Variants in DACH1 observed in about 807,000 individuals in gnomAD.
The protein encoded by DACH1 is dachshund family transcription factor 1, also known as dachshund homolog 1.
Under a neutral mutation model 54.2 loss-of-function variants are expected in DACH1, and 12 were observed. That is an observed-to-expected ratio of 0.22 (90% CI 0.14 to 0.36). The LOEUF is 0.36. Among genes scored for constraint, DACH1 ranks in the 10% least tolerant of loss-of-function variants. The pLI is 1.00. For missense variants in DACH1, 805 were observed against 929.8 expected (o/e 0.87, Z 1.75); for synonymous variants, 386 against 366.2 (o/e 1.05, Z -0.62).
At chr13:71,542,449 A>C (rs903117247) in intron 6 of DACH1, among the ~76,000 whole-genome samples, 2 of 152,106 alleles carry the variant, frequency 1.3e-5, no homozygotes, top group African/African-American at 4.8e-5. Flanking sequence ...TTTCATGGTA[A>C]AAACTTTAAA....
intron 6 of DACH1, among the ~76,000 whole-genome samples, chr13:71,505,034 G>A (rs902540772): frequency 9.2e-5 from 14 of 152,032 alleles, no homozygotes; most frequent in African/African-American, 3.1e-4. Flanking sequence ...CTGAGAAATC[G>A]CAAATTTAGA....
At chr13:71,454,289 C>A (rs1381553951) in intron 10 of DACH1, among the ~76,000 whole-genome samples, 1 of 152,126 alleles carries the variant, frequency 6.6e-6, no homozygotes, top group African/African-American at 2.4e-5. Flanking sequence ...ATTCCATTCT[C>A]ACTAGGGAAC....
At chr13:71,576,719 G>A (rs1885549356) in intron 3 of DACH1, among the ~76,000 whole-genome samples, 1 of 152,082 alleles carries the variant, frequency 6.6e-6, no homozygotes, top group Non-Finnish European at 1.5e-5. Context: ...TGTCCCTTAA[G>A]AGCCTTGAGC....
intron 3 of DACH1, among the ~76,000 whole-genome samples, chr13:71,616,471 G>T (rs924517420): frequency 4.6e-5 from 7 of 152,166 alleles, no homozygotes; most frequent in Non-Finnish European, 1.0e-4. Context: ...AGAAGATCAG[G>T]TGTGGTGGCT....
At chr13:71,803,685 G>C (rs1887377158) in intron 1 of DACH1, among the ~76,000 whole-genome samples, 1 of 152,072 alleles carries the variant, frequency 6.6e-6, no homozygotes, top group African/African-American at 2.4e-5. Context: ...CGTGGAAAAA[G>C]CTTTAAGTTT....
chr13:71,483,460 C>A (rs1878229007), intron 7 of DACH1, among the ~76,000 whole-genome samples: 1 of 144,800 alleles, frequency 6.9e-6, no homozygotes, highest in African/African-American at 2.5e-5. Flanking sequence ...TAATAAATAA[C>A]AAATAATACC....
intron 6 of DACH1, among the ~76,000 whole-genome samples, chr13:71,529,328 G>A (rs1265729962): frequency 6.6e-6 from 1 of 151,444 alleles, no homozygotes; most frequent in Non-Finnish European, 1.5e-5. Context: ...CTGGGACTGT[G>A]GGCGCTTGAC....
intron 2 of DACH1, among the ~76,000 whole-genome samples, chr13:71,665,740 C>G (rs2138663840): frequency 2.6e-5 from 4 of 152,130 alleles, no homozygotes; most frequent in Admixed American, 2.6e-4. Context: ...CATCTTCTTT[C>G]AATTCTGATC....
intron 6 of DACH1, among the ~76,000 whole-genome samples, chr13:71,539,776 T>C (rs1344592296): frequency 6.6e-6 from 1 of 152,042 alleles, no homozygotes; most frequent in East Asian, 1.9e-4. Flanking sequence ...AAAACTTTTA[T>C]GAAAGTACTA....
intron 3 of DACH1, among the ~76,000 whole-genome samples, chr13:71,598,255 T>G (rs749499953): frequency 6.6e-6 from 1 of 151,930 alleles, no homozygotes; most frequent in Non-Finnish European, 1.5e-5. Flanking sequence ...AATTTAAAAT[T>G]TATTGATGCT....
intron 1 of DACH1, among the ~76,000 whole-genome samples, chr13:71,849,440 A>T (rs550607370): frequency 3.2e-4 from 49 of 152,314 alleles, no homozygotes; most frequent in Non-Finnish European, 6.2e-4. Flanking sequence ...GTAGAATCTT[A>T]TTTTAAGACT....
chr13:71,505,136 G>T (rs2138242081), intron 6 of DACH1, among the ~76,000 whole-genome samples: 1 of 152,106 alleles, frequency 6.6e-6, no homozygotes, highest in South Asian at 2.1e-4. Context: ...AGGCTGGAGT[G>T]CAGTGGCAAG....
At chr13:71,509,896 C>T (rs537783156) in intron 6 of DACH1, among the ~76,000 whole-genome samples, 1 of 152,070 alleles carries the variant, frequency 6.6e-6, no homozygotes, top group South Asian at 2.1e-4. Context: ...ACTCTGTTAT[C>T]TTATCTTTTC....
intron 6 of DACH1, among the ~76,000 whole-genome samples, chr13:71,524,570 T>G (rs1881825982): frequency 6.6e-6 from 1 of 152,136 alleles, no homozygotes; most frequent in African/African-American, 2.4e-5. Flanking sequence ...TAGCTCAAGC[T>G]GAATGTTAGC....
At chr13:71,506,551 G>A (rs1321894283) in intron 6 of DACH1, among the ~76,000 whole-genome samples, 2 of 151,798 alleles carry the variant, frequency 1.3e-5, no homozygotes, top group East Asian at 3.9e-4. Context: ...GGACATTTGG[G>A]TTGGTTCCAA....
intron 1 of DACH1, among the ~76,000 whole-genome samples, chr13:71,776,610 T>C (rs1037927486): frequency 6.6e-6 from 1 of 152,124 alleles, no homozygotes; most frequent in Non-Finnish European, 1.5e-5. Context: ...CCCTGGATCA[T>C]TTGCTTTCAT....
At chr13:71,511,209 T>G (rs1880750274) in intron 6 of DACH1, among the ~76,000 whole-genome samples, 1 of 152,004 alleles carries the variant, frequency 6.6e-6, no homozygotes, top group South Asian at 2.1e-4. Flanking sequence ...AAGATGAGCA[T>G]GGTGGTGGCA....
chr13:71,538,776 C>T (rs1281711972), intron 6 of DACH1, among the ~76,000 whole-genome samples: 2 of 152,004 alleles, frequency 1.3e-5, no homozygotes, highest in African/African-American at 4.8e-5. Context: ...CCTATCTTAC[C>T]TACGGAGCTC....
At chr13:71,858,807 A>T (rs541457670) in intron 1 of DACH1, among the ~76,000 whole-genome samples, 2 of 151,546 alleles carry the variant, frequency 1.3e-5, no homozygotes, top group Non-Finnish European at 1.5e-5. Context: ...GAAAAATGTA[A>T]TGTATTCCAG....
Sources: allele counts gnomAD v4.1 joint callset (sites outside exome capture counted in the v4.1 genomes callset), GRCh38; gene constraint gnomAD v4.1.1; transcripts MANE v1.5; gene names NCBI Gene and HGNC (gene_info 2026-07-23, HGNC 2026-07-21).